The following DRC8 variants were observed in gnomAD, a reference collection of about 807,000 sequenced individuals.
The protein encoded by DRC8 is dynein regulatory complex subunit 8, also known as dynein regulatory complex protein 8.
the DRC8 span, among the ~76,000 whole-genome samples, chr1:244,996,210 A>G: frequency 2.0e-5 from 3 of 152,110 alleles, no homozygotes; most frequent in African/African-American, 7.2e-5. Flanking sequence ...GGGGTTTCCC[A>G]TAGGCTGCTT....
the DRC8 span, among the ~76,000 whole-genome samples, chr1:245,064,087 C>A: frequency 6.6e-6 from 1 of 152,078 alleles, no homozygotes; most frequent in South Asian, 2.1e-4. Context: ...CCATAGTTGT[C>A]GTCTGGAAGA....
chr1:245,110,553 A>C, the DRC8 span, among the ~76,000 whole-genome samples: 2 of 152,262 alleles, frequency 1.3e-5, no homozygotes, highest in African/African-American at 4.8e-5. Flanking sequence ...AGAAATAAGA[A>C]CATTAACTCT....
chr1:245,060,411 AC>A, the DRC8 span, among the ~76,000 whole-genome samples: 1 of 152,252 alleles, frequency 6.6e-6, no homozygotes, highest in Non-Finnish European at 1.5e-5. Flanking sequence ...AGTCTGCTGC[AC>A]AGATATTAGC....
the DRC8 span, chr1:245,083,968 A>G: frequency 1.4e-5 from 4 of 285,844 alleles, no homozygotes; most frequent in East Asian, 2.9e-4. Context: ...TTCCAGAATA[A>G]AAGATATGCC....
the DRC8 span, among the ~76,000 whole-genome samples, chr1:244,983,037 G>A: frequency 6.6e-6 from 1 of 152,124 alleles, no homozygotes; most frequent in Non-Finnish European, 1.5e-5. Flanking sequence ...GCCATTGCAA[G>A]AGGGTGAGAC....
chr1:244,983,659 G>A, the DRC8 span, among the ~76,000 whole-genome samples: 1 of 146,058 alleles, frequency 6.8e-6, no homozygotes. Context: ...AGAATCACTT[G>A]TACTCAGGAG....
At chr1:245,083,218 G>A in the DRC8 span, among the ~76,000 whole-genome samples, 134 of 152,220 alleles carry the variant, frequency 8.8e-4, no homozygotes, top group Middle Eastern at 6.8e-3. Context: ...TGAACTGTGC[G>A]TGTTAGGGAT....
the DRC8 span, among the ~76,000 whole-genome samples, chr1:245,032,604 C>T: frequency 2.0e-5 from 3 of 152,208 alleles, no homozygotes; most frequent in African/African-American, 7.2e-5. Context: ...AAGTTATAAA[C>T]TTACTGATGA....
the DRC8 span, among the ~76,000 whole-genome samples, chr1:245,099,020 C>T: frequency 6.6e-6 from 1 of 152,204 alleles, no homozygotes; most frequent in Non-Finnish European, 1.5e-5. Flanking sequence ...ACACCCTTGT[C>T]CCAGAAACAC....
At chr1:244,970,589 C>T in the DRC8 span, 1 of 989,188 alleles carries the variant, frequency 1.0e-6, no homozygotes, top group Non-Finnish European at 1.4e-6. Flanking sequence ...GGCCACCCGG[C>T]AGCAGCAGTC....
chr1:245,065,197 C>T, the DRC8 span, among the ~76,000 whole-genome samples: 11 of 149,684 alleles, frequency 7.3e-5, no homozygotes, highest in African/African-American at 2.2e-4. Flanking sequence ...AAATTACAGG[C>T]GCATGCCATC....
At chr1:245,057,276 A>G in the DRC8 span, among the ~76,000 whole-genome samples, 2 of 152,232 alleles carry the variant, frequency 1.3e-5, no homozygotes, top group East Asian at 3.9e-4. Context: ...CGAAACTTAT[A>G]TAGGTTGGTG....
the DRC8 span, among the ~76,000 whole-genome samples, chr1:245,068,088 A>G: frequency 1.6e-4 from 24 of 152,308 alleles, no homozygotes; most frequent in African/African-American, 5.5e-4. Flanking sequence ...TACTGAGAGT[A>G]TTGCTTATTT....
At chr1:245,071,387 C>T in the DRC8 span, among the ~76,000 whole-genome samples, 1 of 152,108 alleles carries the variant, frequency 6.6e-6, no homozygotes. Context: ...ATATGGATGG[C>T]AAAGGCAATT....
At chr1:245,113,763 G>A in the DRC8 span, among the ~76,000 whole-genome samples, 2 of 151,954 alleles carry the variant, frequency 1.3e-5, no homozygotes, top group African/African-American at 4.8e-5. Flanking sequence ...GACACTTTAC[G>A]CGCTTTATCT....
the DRC8 span, among the ~76,000 whole-genome samples, chr1:245,019,619 C>G: frequency 1.6e-4 from 24 of 152,060 alleles, no homozygotes; most frequent in African/African-American, 5.8e-4. Context: ...GTGATAGACC[C>G]TCCTTAGCCT....
the DRC8 span, chr1:245,122,950 T>C: frequency 6.6e-6 from 1 of 152,250 alleles, no homozygotes; most frequent in Non-Finnish European, 1.5e-5. Context: ...TGTCTGTGGA[T>C]TTGCCTCTTC....
chr1:245,059,391 T>C, the DRC8 span: 6 of 1,609,440 alleles, frequency 3.7e-6, no homozygotes, highest in Non-Finnish European at 5.1e-6. Context: ...TCCAGAGAGA[T>C]TGGAACAATT....
chr1:245,010,418 AAGAC>A, the DRC8 span, among the ~76,000 whole-genome samples: 3 of 152,120 alleles, frequency 2.0e-5, no homozygotes, highest in Non-Finnish European at 2.9e-5. Context: ...TCTGAAGGAG[AAGAC>A]CACATGATAT....
Sources: gnomAD v4.1 joint callset for allele counts (sites outside exome capture counted in the v4.1 genomes callset) on GRCh38, gnomAD v4.1.1 for gene constraint, MANE v1.5 for transcripts, NCBI Gene and HGNC (gene_info 2026-07-23, HGNC 2026-07-21) for gene names.